Variants in TAFA1 observed in about 807,000 individuals in gnomAD.
TAFA1 encodes the protein TAFA chemokine like family member 1.
TAFA1 carries 4 observed loss-of-function variants against 18.5 expected under a neutral mutation model. That is an observed-to-expected ratio of 0.22 (90% CI 0.11 to 0.49). The LOEUF (loss-of-function observed/expected upper bound fraction) is 0.49. Ranked by LOEUF, TAFA1 falls within the 20% of genes least tolerant of loss-of-function variation. The probability of loss-of-function intolerance (pLI) is 0.98; values close to 1 mark genes in which losing one functional copy is unlikely to be tolerated. For missense variants in TAFA1, 147 were observed against 169.0 expected, an observed-to-expected ratio of 0.87 and a Z score of 0.72; for synonymous variants, 56 against 55.2, an observed-to-expected ratio of 1.01 and a Z score of -0.06.
the TAFA1 span, among the ~76,000 whole-genome samples, chr3:67,991,693 C>T: frequency 1.3e-5 from 2 of 152,214 alleles, no homozygotes; most frequent in Non-Finnish European, 2.9e-5. Flanking sequence ...CTTACACCAT[C>T]AGCTTCCCTG....
chr3:68,534,156 C>G (rs188019837), intron 3 of TAFA1, among the ~76,000 whole-genome samples: 25 of 152,194 alleles, frequency 1.6e-4, no homozygotes, highest in Non-Finnish European at 2.6e-4. Flanking sequence ...AGAACAGATG[C>G]AAACAGCTTT....
At chr3:68,482,289 G>T (rs2072252856) in intron 3 of TAFA1, among the ~76,000 whole-genome samples, 1 of 152,216 alleles carries the variant, frequency 6.6e-6, no homozygotes, top group Non-Finnish European at 1.5e-5. Context: ...TTGCAGGTGT[G>T]AAATTCTTAA....
At chr3:68,497,914 A>G (rs77089201) in intron 3 of TAFA1, among the ~76,000 whole-genome samples, 3,295 of 152,276 alleles carry the variant, frequency 0.022, 66 homozygotes, top group Non-Finnish European at 0.028. Flanking sequence ...CTCAGCAGTC[A>G]TTGCTACAGG....
intron 3 of TAFA1, among the ~76,000 whole-genome samples, chr3:68,426,931 T>C (rs1242166234): frequency 6.6e-6 from 1 of 151,864 alleles, no homozygotes; most frequent in Non-Finnish European, 1.5e-5. Context: ...ATACATAAAA[T>C]TAGATTTAAT....
At chr3:68,194,397 A>G (rs1461507932) in intron 2 of TAFA1, among the ~76,000 whole-genome samples, 6 of 151,798 alleles carry the variant, frequency 4.0e-5, no homozygotes, top group African/African-American at 7.3e-5. Context: ...TTGGAATTCC[A>G]TAGCCACTGA....
At chr3:68,217,588 T>C (rs2107083106) in intron 2 of TAFA1, among the ~76,000 whole-genome samples, 1 of 152,092 alleles carries the variant, frequency 6.6e-6, no homozygotes, top group South Asian at 2.1e-4. Context: ...ATATTGAAAT[T>C]GAATCATTAA....
chr3:68,179,519 A>G (rs1370509347), intron 2 of TAFA1, among the ~76,000 whole-genome samples: 1 of 152,182 alleles, frequency 6.6e-6, no homozygotes, highest in Non-Finnish European at 1.5e-5. Context: ...AAATTGAACT[A>G]GGGGTTTTCT....
intron 2 of TAFA1, among the ~76,000 whole-genome samples, chr3:68,046,059 T>C (rs1194712327): frequency 6.6e-6 from 1 of 152,182 alleles, no homozygotes; most frequent in Non-Finnish European, 1.5e-5. Context: ...AGATTTACAG[T>C]AATTCCTTCA....
chr3:68,208,831 C>G (rs1041457973), intron 2 of TAFA1, among the ~76,000 whole-genome samples: 2 of 151,950 alleles, frequency 1.3e-5, no homozygotes, highest in East Asian at 3.9e-4. Flanking sequence ...CCCCAAGGTT[C>G]TCACTACTTA....
rs185355619 is a variant in TAFA1 at position 68,522,931 on chromosome 3, C to T, written c.260-15825C>T. 1.4e-3 allele frequency among the ~76,000 whole-genome samples: 214 copies of T among 152,152 alleles called. 1 individual carries two copies. The highest frequency in any genetic ancestry group is 4.9e-3 in the African/African-American group (202 of 41,526). On this transcript the variant is annotated intron_variant, in intron 3 of 4. Coordinates refer to ENST00000478136, the MANE Select transcript of TAFA1 (RefSeq NM_213609.4). ...ACTCTACTAAAAATACAAAAATTGGCGAGGTATGGTGGTGTGCACCTGTGA... is the reference window on the plus strand; with the variant it reads ...ACTCTACTAAAAATACAAAAATTGGTGAGGTATGGTGGTGTGCACCTGTGA...
intron 2 of TAFA1, among the ~76,000 whole-genome samples, chr3:68,228,616 T>A (rs1468713008): frequency 6.6e-6 from 1 of 152,262 alleles, no homozygotes; most frequent in Non-Finnish European, 1.5e-5. Context: ...ATACTATGAA[T>A]GTTTCAAGAA....
At chr3:68,473,004 A>G (rs1413007405) in intron 3 of TAFA1, among the ~76,000 whole-genome samples, 1 of 152,140 alleles carries the variant, frequency 6.6e-6, no homozygotes, top group Non-Finnish European at 1.5e-5. Flanking sequence ...TTTTTAGGAG[A>G]TTACTTTTAA....
chr3:68,266,406 T>C (rs1003401304), intron 2 of TAFA1, among the ~76,000 whole-genome samples: 13 of 152,150 alleles, frequency 8.5e-5, no homozygotes, highest in Admixed American at 5.9e-4. Context: ...GAAGAGTAGA[T>C]ATAAACAGCC....
intron 2 of TAFA1, among the ~76,000 whole-genome samples, chr3:68,276,830 G>A (rs1382404532): frequency 6.6e-6 from 1 of 152,064 alleles, no homozygotes; most frequent in Non-Finnish European, 1.5e-5. Context: ...GGTTTGATAT[G>A]CAATATGTTA....
chr3:68,221,247 C>A (rs2066726223), intron 2 of TAFA1, among the ~76,000 whole-genome samples: 1 of 152,108 alleles, frequency 6.6e-6, no homozygotes, highest in Non-Finnish European at 1.5e-5. Context: ...GGACTTTGAC[C>A]TAGGATAAAG....
chr3:68,535,560 A>G (rs1412602594), intron 3 of TAFA1, among the ~76,000 whole-genome samples: 3 of 152,176 alleles, frequency 2.0e-5, no homozygotes, highest in Non-Finnish European at 2.9e-5. Context: ...TGCATCATAC[A>G]TACTTTGGTC....
At chr3:68,387,404 G>A (rs190145337) in intron 2 of TAFA1, among the ~76,000 whole-genome samples, 4 of 152,240 alleles carry the variant, frequency 2.6e-5, no homozygotes, top group East Asian at 1.9e-4. Context: ...CGTAATGTTC[G>A]TGGAGCCTAG....
intron 2 of TAFA1, among the ~76,000 whole-genome samples, chr3:68,251,657 T>A (rs770960352): frequency 5.9e-5 from 9 of 152,070 alleles, no homozygotes; most frequent in Admixed American, 2.6e-4. Flanking sequence ...GGGGAAAGTG[T>A]TTCAGGTGGA....
intron 3 of TAFA1, among the ~76,000 whole-genome samples, chr3:68,498,421 G>T (rs1182015406): frequency 6.6e-6 from 1 of 152,124 alleles, no homozygotes; most frequent in Non-Finnish European, 1.5e-5. Flanking sequence ...AACGTAAGCT[G>T]GGGGCTAAGA....
Sources: allele counts gnomAD v4.1 joint callset (sites outside exome capture counted in the v4.1 genomes callset), GRCh38; gene constraint gnomAD v4.1.1; transcripts MANE v1.5; gene names NCBI Gene and HGNC (gene_info 2026-07-23, HGNC 2026-07-21).